Variants in CD101 observed in about 807,000 individuals in gnomAD.
CD101 encodes immunoglobulin superfamily member 2.
In CD101, 76 loss-of-function variants were observed where a neutral mutation model predicts 98.2. The observed-to-expected ratio is 0.77, with a 90% CI of 0.64 to 0.94. The LOEUF (loss-of-function observed/expected upper bound fraction) is 0.94. Among genes scored for constraint, CD101 ranks in the 40% least tolerant of loss-of-function variants. The pLI is 0.00. For missense variants in CD101, 1,145 were observed against 1,218.8 expected (o/e 0.94, Z 0.90); for synonymous variants, 471 against 472.7 (o/e 1.00, Z 0.05).
At chr1:117,014,389 T>C (rs1031112763) in intron 4 of CD101, among the ~76,000 whole-genome samples, 8 of 152,154 alleles carry the variant, frequency 5.3e-5, no homozygotes, top group African/African-American at 1.9e-4. Context: ...TTAGTCATAA[T>C]TCTGACTCAC....
chr1:117,008,342 G>T (rs1276968203), intron 1 of CD101, among the ~76,000 whole-genome samples: 1 of 152,098 alleles, frequency 6.6e-6, no homozygotes, highest in African/African-American at 2.4e-5. Context: ...GCCCATGCCT[G>T]TAATCCTAGC....
chr1:117,010,119 T>C lies in CD101; in HGVS notation c.313T>C (p.Leu105=), dbSNP rs1042577305. 10 of 1,614,202 alleles carry C rather than the reference T, an allele frequency of 6.2e-6. No individual in the cohort carries two copies. Among genetic ancestry groups the C allele is most frequent in the Non-Finnish European group, 8.5e-6 (10 of 1,180,042 alleles). ...GGAGAGGGTCCAGGGCAACTCAGTC[T>C]TGTTGCACATCTCAAAACTCCAGAT... is the stretch of plus-strand genomic sequence containing the variant. ...YVERVQGNSV[L]LHISKLQMKD... is the part of the protein sequence containing the mutation. The change falls in exon 2 of 10, where the codon TTG becomes CTG. Residue 105 remains leucine, a synonymous_variant. Coordinates refer to ENST00000682167, the MANE Select transcript of CD101 (RefSeq NM_001256106.3). This position sits in a 1 kb window ranked among gnomAD's most constrained non-coding sequence, Gnocchi z 5.2.
rs1349546525 is a variant in CD101, at chr1:117,018,270, C to T, written c.1727C>T (p.Thr576Ile). 6.2e-7 allele frequency: 1 copy of T among 1,614,224 alleles called. No homozygotes were observed. Among genetic ancestry groups the T allele is most frequent in the South Asian group, 1.1e-5 (1 of 91,086 alleles). ...AGYSDLKVPL[T>I]VTWQFQPASS... Reference sequence around the variant, plus strand: ...TACTCTGACCTCAAGGTGCCACTCACTGTGACGTGGCAGTTCCAGCCAGCT... The same window carrying T: ...TACTCTGACCTCAAGGTGCCACTCATTGTGACGTGGCAGTTCCAGCCAGCT... Residue 576 changes from threonine (T) to isoleucine (I), a missense_variant, in exon 6 of 10, where the codon ACT becomes ATT. Physicochemically the swap from Thr to Ile is moderately conservative, Grantham distance 89. Coordinates refer to ENST00000682167, the MANE Select transcript of CD101 (RefSeq NM_001256106.3). This position sits in a 1 kb window ranked among gnomAD's most constrained non-coding sequence, Gnocchi z 4.3.
Position 117,010,312 on chromosome 1 carries a change from G to A in CD101, c.424+82G>A, listed in dbSNP as rs993916260. 20 of 1,433,252 alleles carry A rather than the reference G, an allele frequency of 1.4e-5. No individual in the cohort carries two copies. Among genetic ancestry groups the A allele is most frequent in the Middle Eastern group, 2.4e-4 (1 of 4,198 alleles). 88.8% of individuals were successfully genotyped at this position (1,433,252 alleles called of 1,614,324 possible). On this transcript the variant is annotated intron_variant, in intron 2 of 9. Transcript: ENST00000682167. This position sits in a 1 kb window ranked among gnomAD's most constrained non-coding sequence, Gnocchi z 5.2. ...TGACAATATCTTGCAATATGACATG[G>A]CTTTATATTGTTCCATTTTCTTTGG...
At chr1:117,009,824 TC>T (rs1174218081) in intron 1 of CD101, 25 bp from the exon 2 acceptor site, 3 of 1,566,540 alleles carry the variant, frequency 1.9e-6, no homozygotes, top group South Asian at 2.3e-5. Context: ...CTCTTTTTAT[TC>T]CCCTTTCTTT....
At chr1:117,009,821 T>C (rs770791370) in intron 1 of CD101, 29 bp from the exon 2 acceptor site, 1 of 1,564,252 alleles carries the variant, frequency 6.4e-7, no homozygotes, top group Admixed American at 1.8e-5. Context: ...AATCTCTTTT[T>C]ATTCCCCTTT....
chr1:117,013,520 G>T lies in CD101; in HGVS notation c.956G>T (p.Trp319Leu), dbSNP rs1446017184. The T allele has an allele frequency of 2.5e-6, 4 of 1,614,132 alleles. 1 individual carries two copies. Among genetic ancestry groups the T allele is most frequent in the Non-Finnish European group, 3.4e-6 (4 of 1,180,012 alleles). Residue 319 changes from tryptophan (W) to leucine (L), a missense_variant, in exon 4 of 10, where the codon TGG becomes TTG. By Grantham distance (61) the Trp-to-Leu change is moderately conservative. Coordinates refer to ENST00000682167, the MANE Select transcript of CD101 (RefSeq NM_001256106.3). ...SGRDPQLQGI[W>L]FFNGTEIAHI... is the part of the protein sequence containing the mutation. ...CGTGACCCACAGCTTCAAGGCATTTGGTTCTTCAATGGGACTGAAATTGCT... is the reference window on the plus strand; with the variant it reads ...CGTGACCCACAGCTTCAAGGCATTTTGTTCTTCAATGGGACTGAAATTGCT...
chr1:117,025,647 A>G lies in CD101; in HGVS notation c.2567A>G (p.Asn856Ser). The change falls in exon 8 of 10, where the codon AAC becomes AGC. Residue 856 changes from asparagine (N) to serine (S), a missense_variant. By Grantham distance (46) the Asn-to-Ser change is conservative. Transcript: ENST00000682167. ...GTGATGTGGTACTGGAACAGAGAAA[A>G]CTCTGGAAGTAAATTGCTGGTGCAC... ...YSVMWYWNRE[N>S]SGSKLLVHLQ... 1.2e-6 allele frequency: 2 copies of G among 1,613,942 alleles called. No individual in the cohort carries two copies.
rs1308496145 is a variant in CD101 at position 117,021,345 on chromosome 1, A to G, written c.2018-228A>G. On this transcript the variant is annotated intron_variant, in intron 6 of 9. Coordinates refer to ENST00000682167, the MANE Select transcript of CD101 (RefSeq NM_001256106.3). The surrounding 1 kb of genome is among the most constrained non-coding windows in gnomAD (Gnocchi z 4.7). ...TTATGAAGAGATAAAGTTCAACTTG[A>G]TATCAGAAAGCATTCTGGAGGGGCA... 6.6e-6 allele frequency among the ~76,000 whole-genome samples: 1 copy of G among 152,192 alleles called. No homozygotes were observed. The highest frequency in any genetic ancestry group is 1.5e-5 in the Non-Finnish European group (1 of 68,024).
In CD101 at chr1:117,012,931, C is replaced by T. The variant is rs544597579; in HGVS notation, c.842-475C>T. Among the ~76,000 whole-genome samples the T allele has an allele frequency of 1.1e-4, 17 of 152,186 alleles. No homozygotes were observed. Among genetic ancestry groups the T allele is most frequent in the African/African-American group, 3.6e-4 (15 of 41,530 alleles). ...CCACTAAAAATTGTCCTGTTGGCCT[C>T]AAGTATCCAAGTTATACTCATGAGT... On this transcript the variant is annotated intron_variant, in intron 3 of 9. Coordinates refer to ENST00000682167, the MANE Select transcript of CD101 (RefSeq NM_001256106.3). The surrounding 1 kb of genome is among the most constrained non-coding windows in gnomAD (Gnocchi z 4.0).
At position 117,019,012 on chromosome 1, in the gene CD101, G is replaced by A. The variant is rs1653416546; in HGVS notation, c.2017+452G>A. On this transcript the variant is annotated intron_variant, in intron 6 of 9. Transcript: ENST00000682167. The surrounding 1 kb of genome is among the most constrained non-coding windows in gnomAD (Gnocchi z 4.3). Reference sequence around the variant, plus strand: ...AATACATCCACCTACTTCTTTGTAAGGTGTTAATGTATAAGAGTCAGAGAA... The same window carrying A: ...AATACATCCACCTACTTCTTTGTAAAGTGTTAATGTATAAGAGTCAGAGAA... Among the ~76,000 whole-genome samples, 1 of 152,198 alleles carries A rather than the reference G, an allele frequency of 6.6e-6. No individual in the cohort carries two copies. The highest frequency in any genetic ancestry group is 1.5e-5 in the Non-Finnish European group (1 of 68,044).
chr1:117,006,860 C>G lies in CD101; in HGVS notation c.44-2990C>G, dbSNP rs999068402. On this transcript the variant is annotated intron_variant, in intron 1 of 9. Transcript: ENST00000682167. The surrounding 1 kb of genome is among the most constrained non-coding windows in gnomAD (Gnocchi z 4.4). ...AATTCATCTTCATATCTTAGTCCCT[C>G]AAGCATGAGAAATACTATAAGTGGT... is the stretch of plus-strand genomic sequence containing the variant. Among the ~76,000 whole-genome samples the G allele has an allele frequency of 6.6e-6, 1 of 152,124 alleles. No homozygotes were observed. The highest frequency in any genetic ancestry group is 1.5e-5 in the Non-Finnish European group (1 of 68,046).
chr1:117,027,997 A>G (rs368864290), intron 8 of CD101, among the ~76,000 whole-genome samples: 1 of 152,324 alleles, frequency 6.6e-6, no homozygotes, highest in East Asian at 1.9e-4. Context: ...AGGCAGGAGA[A>G]TCGCTTGAAC....
chr1:117,006,447 T>C lies in CD101; in HGVS notation c.44-3403T>C, dbSNP rs1037908842. Among the ~76,000 whole-genome samples, 9 of 152,214 alleles carry C rather than the reference T, an allele frequency of 5.9e-5. No individual in the cohort carries two copies. The highest frequency in any genetic ancestry group is 8.8e-5 in the Non-Finnish European group (6 of 68,042). ...AATGAATCAAGTCCAAACTTTTAAATGTGATAGTCAAGTCCTTTCTGCTCT... is the reference window on the plus strand; with the variant it reads ...AATGAATCAAGTCCAAACTTTTAAACGTGATAGTCAAGTCCTTTCTGCTCT... On this transcript the variant is annotated intron_variant, in intron 1 of 9. Coordinates refer to ENST00000682167, the MANE Select transcript of CD101 (RefSeq NM_001256106.3). The surrounding 1 kb of genome is among the most constrained non-coding windows in gnomAD (Gnocchi z 4.4).
rs1653639212 is a variant in CD101 at position 117,022,386 on chromosome 1, C to CT, written c.2428+404dup. ...CCCACTGTGAACAGAAACTGTACAA[C>CT]TCTATGGGGATGTGTGGAGAAATTG... On this transcript the variant is annotated intron_variant, in intron 7 of 9. Coordinates refer to ENST00000682167, the MANE Select transcript of CD101 (RefSeq NM_001256106.3). The surrounding 1 kb of genome is among the most constrained non-coding windows in gnomAD (Gnocchi z 4.8). Among the ~76,000 whole-genome samples the CT allele has an allele frequency of 6.6e-6, 1 of 152,146 alleles. No homozygotes were observed. Among genetic ancestry groups the CT allele is most frequent in the Non-Finnish European group, 1.5e-5 (1 of 68,024 alleles).
chr1:117,033,847 C>G lies in CD101; in HGVS notation c.2825-13C>G. ...GGAGATGAATTACTCTCTTGTTTCT[C>G]CCTTCGTTGCAGAGCCCACGCTTCC... On this transcript the variant is annotated splice_polypyrimidine_tract_variant and intron_variant, in intron 8 of 9. Transcript: ENST00000682167. This position sits in a 1 kb window ranked among gnomAD's most constrained non-coding sequence, Gnocchi z 4.8. 1 of 1,613,872 alleles carries G rather than the reference C, an allele frequency of 6.2e-7. No homozygotes were observed. The highest frequency in any genetic ancestry group is 8.5e-7 in the Non-Finnish European group (1 of 1,179,842).
At chr1:117,013,079 A>G (rs1652984976) in intron 3 of CD101, among the ~76,000 whole-genome samples, 1 of 152,042 alleles carries the variant, frequency 6.6e-6, no homozygotes, top group African/African-American at 2.4e-5. Context: ...TAATATATAT[A>G]TTTAATTCAG....
chr1:117,013,329 G>T, intron 3 of CD101, 77 bp from the exon 4 acceptor site: 1 of 1,461,872 alleles, frequency 6.8e-7, no homozygotes, highest in Non-Finnish European at 9.2e-7. Context: ...TCCTTACAGA[G>T]GGTGTCATCT....
chr1:117,015,588 A>C (rs1413422181), intron 4 of CD101, among the ~76,000 whole-genome samples: 3 of 152,222 alleles, frequency 2.0e-5, no homozygotes, highest in Non-Finnish European at 4.4e-5. Context: ...CTTCCTCCGC[A>C]GGGAAGAACA....
Sources: allele counts gnomAD v4.1 joint callset (sites outside exome capture counted in the v4.1 genomes callset), GRCh38; gene constraint gnomAD v4.1.1; non-coding constraint Gnocchi (gnomAD v3.1); transcripts MANE v1.5; gene names NCBI Gene and HGNC (gene_info 2026-07-23, HGNC 2026-07-21).